The following DMD variants were observed in gnomAD, a reference collection of about 807,000 sequenced individuals.
The protein encoded by DMD is mutant dystrophin.
DMD carries 63 observed loss-of-function variants against 330.1 expected under a neutral mutation model. The ratio of observed to expected loss-of-function variants is 0.19; its 90% CI spans 0.16 to 0.24. The LOEUF is 0.24. Among genes scored for constraint, DMD ranks in the 10% least tolerant of loss-of-function variants. DMD has a pLI of 1.00. For missense variants in DMD, 3,344 were observed against 2,684.1 expected (o/e 1.25, Z -5.43); for synonymous variants, 1,223 against 959.8 (o/e 1.27, Z -5.07).
chrX:32,482,646 T>C (rs1471845427), intron 21 of DMD, among the ~76,000 whole-genome samples: 4 of 111,793 alleles, frequency 3.6e-5, no homozygotes, highest in Non-Finnish European at 5.7e-5. Flanking sequence ...CAGCATCCCA[T>C]ATCCATGCTT....
intron 60 of DMD, among the ~76,000 whole-genome samples, chrX:31,417,691 CTTT>C (rs767463746): frequency 2.0e-5 from 2 of 99,252 alleles, no homozygotes. Flanking sequence ...ATTATCACTT[CTTT>C]TTTTTTTTTT....
chrX:31,174,291 G>A (rs1020440585), intron 71 of DMD, among the ~76,000 whole-genome samples: 1 of 111,743 alleles, frequency 8.9e-6, no homozygotes, highest in Non-Finnish European at 1.9e-5. Flanking sequence ...GATACTGTGT[G>A]CTAAAACATA....
At chrX:31,230,489 A>T (rs752430526) in intron 63 of DMD, among the ~76,000 whole-genome samples, 2 of 110,517 alleles carry the variant, frequency 1.8e-5, no homozygotes, top group African/African-American at 6.6e-5. Context: ...TCTATTAAAA[A>T]CACAAAAAAA....
intron 61 of DMD, among the ~76,000 whole-genome samples, chrX:31,341,891 G>GCGCGCGCGCGCGCGCACACACACACACA (rs374298104): frequency 2.4e-4 from 24 of 98,891 alleles, no homozygotes; most frequent in African/African-American, 7.7e-4. Flanking sequence ...GTGCGCGCGC[G>GCGCGCGCGCGCGCGCACACACACACACA]CACACACACA....
At chrX:31,545,352 G>T (rs1435452661) in intron 55 of DMD, among the ~76,000 whole-genome samples, 4 of 111,532 alleles carry the variant, frequency 3.6e-5, no homozygotes, top group Non-Finnish European at 7.5e-5. Flanking sequence ...TCTGTTAACC[G>T]GTGTGAGCTC....
chrX:32,478,711 C>A (rs1211472920), intron 21 of DMD, among the ~76,000 whole-genome samples: 1 of 111,697 alleles, frequency 9.0e-6, no homozygotes, highest in African/African-American at 3.2e-5. Context: ...ATTCTATCCT[C>A]CAGTCAAAAT....
At chrX:33,209,312 A>G (rs748368325) in intron 1 of DMD, among the ~76,000 whole-genome samples, 57 of 111,599 alleles carry the variant, frequency 5.1e-4, no homozygotes, top group Non-Finnish European at 9.8e-4. Context: ...CGTAGTTAAG[A>G]TGTCTTTAAA....
At chrX:31,308,696 G>A (rs1270968745) in intron 62 of DMD, among the ~76,000 whole-genome samples, 1 of 110,918 alleles carries the variant, frequency 9.0e-6, no homozygotes, top group Admixed American at 9.6e-5. Flanking sequence ...GCAGGCATAA[G>A]CTGCTGTGCC....
At chrX:31,809,802 T>TA (rs1157148294) in intron 50 of DMD, among the ~76,000 whole-genome samples, 3 of 110,091 alleles carry the variant, frequency 2.7e-5, no homozygotes, top group East Asian at 2.8e-4. Context: ...ACTGTAATCT[T>TA]AAAAAAATAG....
At chrX:31,553,156 G>A (rs2074591925) in intron 55 of DMD, among the ~76,000 whole-genome samples, 1 of 111,729 alleles carries the variant, frequency 9.0e-6, no homozygotes, top group Non-Finnish European at 1.9e-5. Flanking sequence ...TGGGGATGGG[G>A]CCCAGCCAGC....
chrX:31,313,764 G>T (rs924700527), intron 62 of DMD, among the ~76,000 whole-genome samples: 1 of 107,759 alleles, frequency 9.3e-6, no homozygotes, highest in Non-Finnish European at 1.9e-5. Context: ...CCCTTTATTA[G>T]AATGACTTGG....
chrX:32,368,964 C>A (rs1423036500), intron 34 of DMD, among the ~76,000 whole-genome samples: 1 of 111,458 alleles, frequency 9.0e-6, no homozygotes, highest in Admixed American at 9.6e-5. Flanking sequence ...ATTGTGTACA[C>A]TCAGTTTTAA....
At chrX:32,837,531 G>C (rs1335471302) in intron 4 of DMD, among the ~76,000 whole-genome samples, 1 of 111,575 alleles carries the variant, frequency 9.0e-6, no homozygotes, top group Non-Finnish European at 1.9e-5. Context: ...TTTAGATGTA[G>C]TAAAGGTTAT....
rs775531549 is a variant in DMD, at chrX:31,941,041, A to G, written c.6615-8814T>C. Among the ~76,000 whole-genome samples, 4 of 111,901 alleles carry G rather than the reference A, an allele frequency of 3.6e-5. No homozygotes were observed. The East Asian group carries it at 1.1e-3, about 31-fold the overall frequency. On this transcript the variant is annotated intron_variant, in intron 45 of 78. Coordinates refer to ENST00000357033, the MANE Select transcript of DMD (RefSeq NM_004006.3). Reference sequence around the variant, plus strand: ...ATCTCAGACTGAACTGTGTTCTCCAATGCTACTTTAATAGATCCAATCAAC... The same window carrying G: ...ATCTCAGACTGAACTGTGTTCTCCAGTGCTACTTTAATAGATCCAATCAAC...
At chrX:32,783,178 CAT>C (rs1475149876) in intron 7 of DMD, among the ~76,000 whole-genome samples, 3 of 93,870 alleles carry the variant, frequency 3.2e-5, no homozygotes, top group African/African-American at 3.7e-5. Flanking sequence ...CATATACACA[CAT>C]ATATACCATA....
chrX:32,138,166 A>T (rs1315313971), intron 44 of DMD, among the ~76,000 whole-genome samples: 4 of 110,536 alleles, frequency 3.6e-5, no homozygotes, highest in Non-Finnish European at 5.7e-5. Flanking sequence ...GGCCTCACAT[A>T]CATCATCTGG....
intron 30 of DMD, among the ~76,000 whole-genome samples, chrX:32,392,012 G>C (rs937755188): frequency 8.9e-6 from 1 of 111,781 alleles, no homozygotes; most frequent in African/African-American, 3.3e-5. Context: ...TGTGTTAAGA[G>C]AGAATCATCA....
In DMD at chrX:33,009,952, A is replaced by ATACACATATG. The variant is rs1328082732; in HGVS notation, c.93+10186_93+10187insCATATGTGTA. 5.3e-5 allele frequency among the ~76,000 whole-genome samples: 4 copies of ATACACATATG among 75,245 alleles called. 1 individual carries two copies. The highest frequency in any genetic ancestry group is 9.3e-5 in the Non-Finnish European group (4 of 42,797). 65.3% of individuals were successfully genotyped at this position (75,245 alleles called of 115,157 possible). A position where few individuals can be genotyped will look rare whatever the true frequency, so the allele number is the denominator to read the frequency against. Reference sequence around the variant, plus strand: ...CACATGTGTGTATATACACGTGTGTATGTGTATATACACATATGTGTGTAT... The same window carrying ATACACATATG: ...CACATGTGTGTATATACACGTGTGTATACACATATGTGTGTATATACACATATGTGTGTAT... On this transcript the variant is annotated intron_variant, in intron 2 of 78. Transcript: ENST00000357033.
chrX:31,782,391 C>G (rs1382453143), intron 50 of DMD, among the ~76,000 whole-genome samples: 1 of 111,161 alleles, frequency 9.0e-6, no homozygotes, highest in East Asian at 2.8e-4. Context: ...TGGAACTATG[C>G]TAGCCTGATG....
Sources: allele counts gnomAD v4.1 joint callset (sites outside exome capture counted in the v4.1 genomes callset), GRCh38; gene constraint gnomAD v4.1.1; transcripts MANE v1.5; gene names NCBI Gene and HGNC (gene_info 2026-07-23, HGNC 2026-07-21).